Variants in RYR2 observed in about 807,000 individuals in gnomAD.
RYR2 encodes cardiac muscle ryanodine receptor-calcium release channel.
In RYR2, 227 loss-of-function variants were observed where a neutral mutation model predicts 601.1. The ratio of observed to expected loss-of-function variants is 0.38; its 90% CI spans 0.34 to 0.42. RYR2 has a LOEUF of 0.42. Ranked by LOEUF, RYR2 falls within the 10% of genes least tolerant of loss-of-function variation. RYR2 has a pLI of 1.00. For missense variants in RYR2, 4,646 were observed against 6,156.5 expected, an observed-to-expected ratio of 0.75 and a Z score of 8.21; for synonymous variants, 2,223 against 2,175.1, an observed-to-expected ratio of 1.02 and a Z score of -0.61.
chr1:237,441,179 A>G (rs992589858), intron 12 of RYR2, 140 bp from the exon 13 acceptor site: 4 of 701,654 alleles, frequency 5.7e-6, no homozygotes, highest in African/African-American at 3.6e-5. Context: ...CTGTTAGAGT[A>G]AAATATTTGG....
intron 1 of RYR2, among the ~76,000 whole-genome samples, chr1:237,206,974 A>T (rs1473705685): frequency 1.3e-5 from 2 of 152,200 alleles, no homozygotes; most frequent in African/African-American, 4.8e-5. Flanking sequence ...GCTATAGAAC[A>T]AAATCTATTT....
chr1:237,432,109 T>TTTA (rs535979283), intron 12 of RYR2, among the ~76,000 whole-genome samples: 15,895 of 151,216 alleles, frequency 0.11, 1,061 homozygotes, highest in East Asian at 0.24. Context: ...CTTTTTTTTT[T>TTTA]ATTCATTTCT....
At chr1:237,456,559 T>C (rs1658840969) in intron 15 of RYR2, 41 bp from the exon 16 acceptor site, 2 of 1,453,488 alleles carry the variant, frequency 1.4e-6, no homozygotes, top group Non-Finnish European at 1.8e-6. Flanking sequence ...ATGACAGTTT[T>C]GGATGTCTGA....
intron 1 of RYR2, among the ~76,000 whole-genome samples, chr1:237,204,606 G>A (rs533876919): frequency 1.2e-4 from 19 of 152,064 alleles, no homozygotes; most frequent in African/African-American, 3.9e-4. Flanking sequence ...CATCCATCAC[G>A]CCTGGGAAAA....
intron 3 of RYR2, among the ~76,000 whole-genome samples, chr1:237,343,601 C>T (rs936801556): frequency 2.0e-5 from 3 of 152,046 alleles, no homozygotes; most frequent in Non-Finnish European, 4.4e-5. Flanking sequence ...ATTATCTTTA[C>T]ACAGTCATGG....
intron 1 of RYR2, among the ~76,000 whole-genome samples, chr1:237,203,229 C>T (rs770554149): frequency 1.3e-5 from 2 of 152,158 alleles, no homozygotes; most frequent in Admixed American, 6.5e-5. Context: ...CACATGTTAT[C>T]AGGTTGTTTT....
At chr1:237,769,050 A>G (rs1336841035) in intron 84 of RYR2, among the ~76,000 whole-genome samples, 1 of 152,228 alleles carries the variant, frequency 6.6e-6, no homozygotes, top group Non-Finnish European at 1.5e-5. Flanking sequence ...TATTTATTTC[A>G]GTGTTTTTCT....
intron 34 of RYR2, among the ~76,000 whole-genome samples, chr1:237,597,427 A>G (rs1676013317): frequency 6.6e-6 from 1 of 151,636 alleles, no homozygotes; most frequent in African/African-American, 2.4e-5. Flanking sequence ...GATTATAGGC[A>G]TGCACCACCA....
chr1:237,534,207 T>A (rs1200339338), intron 25 of RYR2, among the ~76,000 whole-genome samples: 1 of 151,844 alleles, frequency 6.6e-6, no homozygotes, highest in East Asian at 1.9e-4. Context: ...AAATTGACCT[T>A]AAACAAAATT....
intron 101 of RYR2, among the ~76,000 whole-genome samples, chr1:237,824,390 T>A (rs1216840892): frequency 2.6e-5 from 4 of 152,302 alleles, no homozygotes; most frequent in African/African-American, 9.6e-5. Flanking sequence ...AATCAATAAA[T>A]GTAATCCATC....
intron 2 of RYR2, among the ~76,000 whole-genome samples, chr1:237,275,109 CACAT>C (rs1690132699): frequency 6.6e-6 from 1 of 151,694 alleles, no homozygotes; most frequent in African/African-American, 2.4e-5. Context: ...CACACACACA[CACAT>C]ACACACCGCA....
At chr1:237,608,796 G>GTTTTTTTTTT (rs33945891) in intron 35 of RYR2, among the ~76,000 whole-genome samples, 1 of 119,222 alleles carries the variant, frequency 8.4e-6, no homozygotes, top group African/African-American at 3.0e-5. Context: ...AGACTGACCT[G>GTTTTTTTTTT]TTTTTTTTTT....
chr1:237,536,834 C>A (rs1367582413), intron 25 of RYR2, among the ~76,000 whole-genome samples: 1 of 150,836 alleles, frequency 6.6e-6, no homozygotes, highest in Non-Finnish European at 1.5e-5. Context: ...TGCAGTGAGC[C>A]GAGATCGCGC....
At chr1:237,043,763 A>C (rs1660222677) in intron 1 of RYR2, among the ~76,000 whole-genome samples, 1 of 151,960 alleles carries the variant, frequency 6.6e-6, no homozygotes, top group Non-Finnish European at 1.5e-5. Context: ...AAACAAAACA[A>C]ACAAACAAAC....
chr1:237,506,313 G>A (rs892944728), intron 22 of RYR2, among the ~76,000 whole-genome samples: 4 of 152,066 alleles, frequency 2.6e-5, no homozygotes, highest in African/African-American at 9.7e-5. Context: ...CGAGGCGGGC[G>A]GATCACGAGG....
rs1466932341 is a variant in RYR2 at position 237,473,431 on chromosome 1, C to CTTTCTTTCTT, written c.1708+4245_1708+4246insTTCTTTCTTT. ...AGAACGAGACTCCATCTCTCTCTCT[C>CTTTCTTTCTT]TCTTTCTTTCTTTCTTTCTTTCTTT... On this transcript the variant is annotated intron_variant, in intron 17 of 104. Coordinates refer to ENST00000366574, the MANE Select transcript of RYR2 (RefSeq NM_001035.3). Among the ~76,000 whole-genome samples, 619 of 115,842 alleles carry CTTTCTTTCTT rather than the reference C, an allele frequency of 5.3e-3. 8 individuals carry two copies. Among genetic ancestry groups the CTTTCTTTCTT allele is most frequent in the African/African-American group, 0.019 (593 of 31,556 alleles). 76.0% of individuals were successfully genotyped at this position (115,842 alleles called of 152,430 possible). A position where few individuals can be genotyped will look rare whatever the true frequency, so the allele number is the denominator to read the frequency against.
rs539202809 is a variant in RYR2, at chr1:237,776,411, T to G, written c.11776-2255T>G. On this transcript the variant is annotated intron_variant, in intron 87 of 104. Coordinates refer to ENST00000366574, the MANE Select transcript of RYR2 (RefSeq NM_001035.3). Reference sequence around the variant, plus strand: ...AGACTTGCTTTGTCGACCATTTCTTTACCACTAGAAGGAATCTTGTGCACT... The same window carrying G: ...AGACTTGCTTTGTCGACCATTTCTTGACCACTAGAAGGAATCTTGTGCACT... Among the ~76,000 whole-genome samples, 30 of 152,322 alleles carry G rather than the reference T, an allele frequency of 2.0e-4. No homozygotes were observed. In the South Asian group the frequency reaches 6.2e-3, roughly 32 times the overall value.
chr1:237,090,226 G>T (rs1425049491), intron 1 of RYR2, among the ~76,000 whole-genome samples: 1 of 152,088 alleles, frequency 6.6e-6, no homozygotes, highest in African/African-American at 2.4e-5. Flanking sequence ...GATTTGGGTG[G>T]GGACACAGCC....
chr1:237,475,042 C>T (rs866511221), intron 17 of RYR2, among the ~76,000 whole-genome samples: 14 of 152,112 alleles, frequency 9.2e-5, no homozygotes, highest in Middle Eastern at 3.4e-3. Flanking sequence ...ATTTAATAAA[C>T]GTGTGTATGC....
Sources: allele counts gnomAD v4.1 joint callset (sites outside exome capture counted in the v4.1 genomes callset), GRCh38; gene constraint gnomAD v4.1.1; transcripts MANE v1.5; gene names NCBI Gene and HGNC (gene_info 2026-07-23, HGNC 2026-07-21).